ZC3H13: variants seen among roughly 807,000 people sequenced by gnomAD.
ZC3H13 encodes the protein zinc finger CCCH-type containing 13.
In ZC3H13, 64 loss-of-function variants were observed where a neutral mutation model predicts 204.1. That is an observed-to-expected ratio of 0.31 (90% CI 0.26 to 0.39). The LOEUF is 0.39. ZC3H13 is among the 10% of genes least tolerant of loss of function. The pLI, the probability that ZC3H13 is intolerant of heterozygous loss-of-function variation, is 1.00. For synonymous variants in ZC3H13, 667 were observed against 693.7 expected (o/e 0.96, Z 0.60); for missense variants, 1,833 against 2,082.7 (o/e 0.88, Z 2.33).
chr13:46,007,751 A>G (rs1241110805), intron 7 of ZC3H13, among the ~76,000 whole-genome samples: 2 of 152,214 alleles, frequency 1.3e-5, no homozygotes, highest in Non-Finnish European at 2.9e-5. Context: ...TTTCAGTGGC[A>G]CAGAGCCTAC....
At chr13:46,038,482 A>T (rs551047720) in intron 4 of ZC3H13, among the ~76,000 whole-genome samples, 51 of 152,330 alleles carry the variant, frequency 3.3e-4, no homozygotes, top group South Asian at 8.3e-4. Flanking sequence ...AGGGTTACCA[A>T]CCTCATAATT....
intron 13 of ZC3H13, 149 bp from the exon 14 acceptor site, chr13:45,970,120 C>G: frequency 9.5e-7 from 1 of 1,049,454 alleles, no homozygotes; most frequent in Non-Finnish European, 1.3e-6. Flanking sequence ...AGATCAAGAT[C>G]ATTTAAAAAC....
intron 4 of ZC3H13, among the ~76,000 whole-genome samples, chr13:46,022,853 G>A (rs1473372651): frequency 6.6e-6 from 1 of 151,860 alleles, no homozygotes; most frequent in Non-Finnish European, 1.5e-5. Flanking sequence ...TATAAAAACT[G>A]TAATTAAATT....
At position 46,045,036 on chromosome 13, in the gene ZC3H13, C is replaced by T; in HGVS notation, c.146G>A (p.Gly49Asp). The change falls in exon 3 of 19, where the codon GGC becomes GAC. Residue 49 changes from glycine to aspartate, a missense_variant. Around this residue, in one of 5 missense-constraint regions of ZC3H13, gnomAD observed 18 missense variants for 46.0 expected, o/e 0.39. Coordinates refer to ENST00000679008, the MANE Select transcript of ZC3H13 (RefSeq NM_001330564.2). Reference sequence around the variant, plus strand: ...ACATGTGTTTCCATAGAGGCAGTTGCCAGTCTTCAGCCAGTTACGGCACTG... The same window carrying T: ...ACATGTGTTTCCATAGAGGCAGTTGTCAGTCTTCAGCCAGTTACGGCACTG... ...ETQCRNWLKT[G>D]NCLYGNTCRF... The T allele has an allele frequency of 6.2e-7, 1 of 1,613,446 alleles. No individual in the cohort carries two copies. Among genetic ancestry groups the T allele is most frequent in the East Asian group, 2.2e-5 (1 of 44,852 alleles).
intron 1 of ZC3H13, among the ~76,000 whole-genome samples, 153 bp downstream of exon 1, chr13:46,052,251 G>A (rs1022021065): frequency 1.3e-5 from 2 of 151,964 alleles, no homozygotes; most frequent in African/African-American, 2.4e-5. Context: ...CCTGAGCACA[G>A]GGGGCTATTG....
At chr13:45,971,641 C>T (rs1246596773) in intron 12 of ZC3H13, among the ~76,000 whole-genome samples, 1 of 152,016 alleles carries the variant, frequency 6.6e-6, no homozygotes, top group Non-Finnish European at 1.5e-5. Context: ...GCAAACGCAA[C>T]GAAACCAAAA....
At chr13:46,018,147 C>T (rs1265400334) in intron 5 of ZC3H13, among the ~76,000 whole-genome samples, 2 of 151,130 alleles carry the variant, frequency 1.3e-5, no homozygotes, top group Non-Finnish European at 2.9e-5. Flanking sequence ...AAAGAAGAGT[C>T]TTTTTCAAGA....
intron 1 of ZC3H13, among the ~76,000 whole-genome samples, chr13:46,049,303 T>TACAC (rs34258690): frequency 6.6e-6 from 1 of 151,426 alleles, no homozygotes; most frequent in South Asian, 2.1e-4. Context: ...ACAACAATAA[T>TACAC]ACACACACAC....
intron 5 of ZC3H13, among the ~76,000 whole-genome samples, chr13:46,018,642 C>A (rs953500339): frequency 3.3e-5 from 5 of 152,040 alleles, no homozygotes; most frequent in African/African-American, 1.2e-4. Flanking sequence ...CTAAAGATTT[C>A]CATTGTCTCT....
In ZC3H13 at chr13:45,964,135, G is replaced by GA. The variant is rs543052697; in HGVS notation, c.4475-94dup. ...ATTTACATAAATCAAGGAGAAAACA[G>GA]AAAAAATGAAAAGTACTTTAAACCA... On this transcript the variant is annotated intron_variant, in intron 16 of 18. Transcript: ENST00000679008. 76 of 1,239,948 alleles carry GA rather than the reference G, an allele frequency of 6.1e-5. No individual in the cohort carries two copies. In the East Asian group the frequency reaches 1.8e-3, roughly 29 times the overall value. 76.8% of individuals were successfully genotyped at this position (1,239,948 alleles called of 1,614,324 possible).
At chr13:46,051,071 TAAAC>T (rs2044375386) in intron 1 of ZC3H13, among the ~76,000 whole-genome samples, 1 of 152,208 alleles carries the variant, frequency 6.6e-6, no homozygotes, top group Non-Finnish European at 1.5e-5. Context: ...AAATTTAAGT[TAAAC>T]AATGTGTTTC....
intron 1 of ZC3H13, among the ~76,000 whole-genome samples, chr13:46,046,239 CA>C (rs1383011591): frequency 6.6e-6 from 1 of 151,984 alleles, no homozygotes; most frequent in African/African-American, 2.4e-5. Context: ...ACATAAAATT[CA>C]AAGGTGTTAA....
chr13:45,995,910 T>A (rs1049296008), intron 8 of ZC3H13, among the ~76,000 whole-genome samples: 23 of 152,222 alleles, frequency 1.5e-4, no homozygotes, highest in Non-Finnish European at 1.2e-4. Flanking sequence ...CTCAGGTAAT[T>A]GTGTTGGAAT....
chr13:45,968,199 A>C, intron 14 of ZC3H13, among the ~76,000 whole-genome samples, 171 bp from the exon 15 acceptor site: 1 of 152,276 alleles, frequency 6.6e-6, no homozygotes, highest in East Asian at 1.9e-4. Context: ...TTCTACATAT[A>C]CATTTCTCTC....
At chr13:46,007,072 T>C (rs2041209111) in intron 7 of ZC3H13, among the ~76,000 whole-genome samples, 1 of 152,138 alleles carries the variant, frequency 6.6e-6, no homozygotes, top group Non-Finnish European at 1.5e-5. Context: ...AAAATTATCT[T>C]TTAAAATTTC....
chr13:46,006,880 G>C (rs574311186), intron 7 of ZC3H13, among the ~76,000 whole-genome samples: 1 of 150,998 alleles, frequency 6.6e-6, no homozygotes, highest in South Asian at 2.1e-4. Context: ...AAAATATGAC[G>C]ACTAAATCTA....
chr13:46,021,398 T>C (rs928694345), intron 4 of ZC3H13, among the ~76,000 whole-genome samples: 1 of 152,004 alleles, frequency 6.6e-6, no homozygotes, highest in African/African-American at 2.4e-5. Flanking sequence ...ATAATTGTTA[T>C]CTTCCACCAC....
intron 8 of ZC3H13, among the ~76,000 whole-genome samples, chr13:45,994,522 G>C (rs1204394475): frequency 6.6e-6 from 1 of 152,216 alleles, no homozygotes; most frequent in African/African-American, 2.4e-5. Context: ...TTCAAGGTAA[G>C]AGCCTTACAT....
chr13:46,006,314 C>A (rs868364616), intron 7 of ZC3H13, among the ~76,000 whole-genome samples: 2 of 151,834 alleles, frequency 1.3e-5, no homozygotes, highest in Non-Finnish European at 2.9e-5. Flanking sequence ...CCCAAATGCT[C>A]AGGGAGATTG....
Sources: allele counts gnomAD v4.1 joint callset (sites outside exome capture counted in the v4.1 genomes callset), GRCh38; gene constraint gnomAD v4.1.1; regional missense constraint gnomAD v4.1.1; transcripts MANE v1.5; gene names NCBI Gene and HGNC (gene_info 2026-07-23, HGNC 2026-07-21).